The following NR3C2 variants were observed in gnomAD, a reference collection of about 807,000 sequenced individuals.
NR3C2 encodes mineralocorticoid receptor.
In NR3C2, 15 loss-of-function variants were observed where a neutral mutation model predicts 86.4. The ratio of observed to expected loss-of-function variants is 0.17; its 90% CI spans 0.12 to 0.27. NR3C2 has a LOEUF of 0.27. NR3C2 is among the 10% of genes least tolerant of loss of function. The pLI, the probability that NR3C2 is intolerant of heterozygous loss-of-function variation, is 1.00. For synonymous variants in NR3C2, 458 were observed against 450.5 expected, an observed-to-expected ratio of 1.02 and a Z score of -0.21; for missense variants, 960 against 1,195.6, an observed-to-expected ratio of 0.80 and a Z score of 2.91.
chr4:148,189,577 T>C (rs1328346365), intron 4 of NR3C2, among the ~76,000 whole-genome samples: 2 of 152,182 alleles, frequency 1.3e-5, no homozygotes, highest in African/African-American at 4.8e-5. Context: ...CTCTGTCTTG[T>C]GGAATAGTGT....
At chr4:148,298,889 A>T (rs1403419169) in intron 2 of NR3C2, among the ~76,000 whole-genome samples, 1 of 152,196 alleles carries the variant, frequency 6.6e-6, no homozygotes, top group Non-Finnish European at 1.5e-5. Flanking sequence ...ATGCAGGAGG[A>T]AGATAAGGGA....
chr4:148,105,829 C>A (rs1253302494), intron 8 of NR3C2, among the ~76,000 whole-genome samples: 1 of 152,134 alleles, frequency 6.6e-6, no homozygotes, highest in Non-Finnish European at 1.5e-5. Flanking sequence ...ATTCAACATC[C>A]CTTCATGTTA....
At chr4:148,294,675 A>T (rs1240444027) in intron 2 of NR3C2, among the ~76,000 whole-genome samples, 1 of 58,274 alleles carries the variant, frequency 1.7e-5, no homozygotes, top group South Asian at 6.2e-4. Context: ...GTCCTCATTG[A>T]TATAAAAAAA....
At position 148,426,455 on chromosome 4, in the gene NR3C2, T is replaced by C. The variant is rs550904429; in HGVS notation, c.1757+8649A>G. Among the ~76,000 whole-genome samples the C allele has an allele frequency of 9.2e-5, 14 of 152,358 alleles. No homozygotes were observed. The South Asian group carries it at 2.9e-3, about 32-fold the overall frequency. ...GTATGATACTGGAGAAGCCATGCTG[T>C]TTCTCTGGGCATTAGTTTCAGTATC... On this transcript the variant is annotated intron_variant, in intron 2 of 8. Transcript: ENST00000358102.
chr4:148,202,297 C>A (rs536133231), intron 3 of NR3C2, among the ~76,000 whole-genome samples: 1 of 152,324 alleles, frequency 6.6e-6, no homozygotes, highest in East Asian at 1.9e-4. Flanking sequence ...GGAGGAAGCT[C>A]CAAGATGCTA....
intron 2 of NR3C2, among the ~76,000 whole-genome samples, chr4:148,357,879 T>C (rs1208326002): frequency 6.6e-6 from 1 of 152,202 alleles, no homozygotes; most frequent in Non-Finnish European, 1.5e-5. Flanking sequence ...ACATCAGGAA[T>C]AGGAAGTTCT....
chr4:148,262,857 C>T (rs1740194154), intron 2 of NR3C2, among the ~76,000 whole-genome samples: 2 of 152,314 alleles, frequency 1.3e-5, no homozygotes, highest in South Asian at 2.1e-4. Flanking sequence ...CACAACACCC[C>T]TAGCCCTGAA....
chr4:148,420,707 G>A (rs886106849), intron 2 of NR3C2, among the ~76,000 whole-genome samples: 1 of 152,196 alleles, frequency 6.6e-6, no homozygotes, highest in African/African-American at 2.4e-5. Flanking sequence ...AGCCTGGTGG[G>A]AGGGGATTGA....
intron 2 of NR3C2, among the ~76,000 whole-genome samples, chr4:148,352,523 T>C (rs547244644): frequency 9.1e-4 from 139 of 152,184 alleles, no homozygotes; most frequent in African/African-American, 3.2e-3. Context: ...TCTGATGGAA[T>C]TGAAAGACCC....
At chr4:148,152,407 A>G in intron 6 of NR3C2, 62 bp downstream of exon 6, 1 of 1,557,900 alleles carries the variant, frequency 6.4e-7, no homozygotes, top group Non-Finnish European at 8.8e-7. Context: ...GAAATTACTG[A>G]AAGAAATCAT....
At position 148,081,153 on chromosome 4, in the gene NR3C2, G is replaced by T; in HGVS notation, c.*191C>A. The T allele has an allele frequency of 1.4e-6, 1 of 705,892 alleles. No individual in the cohort carries two copies. Among genetic ancestry groups the T allele is most frequent in the Non-Finnish European group, 2.5e-6 (1 of 403,488 alleles). The allele number at this position is 705,892 out of a possible 1,614,324, so 43.7% of individuals were successfully genotyped here. On this transcript the variant is annotated 3_prime_UTR_variant, in exon 9 of 9. Transcript: ENST00000358102. Reference sequence around the variant, plus strand: ...TTGGAGGTGGGGAATCCTTCAGACTGCTCTGGTCTCGCCAAATCCACGGAA... The same window carrying T: ...TTGGAGGTGGGGAATCCTTCAGACTTCTCTGGTCTCGCCAAATCCACGGAA...
chr4:148,180,478 C>T (rs72653846), intron 4 of NR3C2, among the ~76,000 whole-genome samples: 23 of 152,194 alleles, frequency 1.5e-4, no homozygotes, highest in African/African-American at 5.5e-4. Flanking sequence ...CTTACTAACA[C>T]TGTTAGTGTT....
chr4:148,215,892 G>C (rs900598778), intron 3 of NR3C2, among the ~76,000 whole-genome samples: 3 of 148,936 alleles, frequency 2.0e-5, no homozygotes, highest in African/African-American at 7.5e-5. Context: ...CAATTCCCCT[G>C]CCTCAGCCTC....
In NR3C2 at chr4:148,388,043, A is replaced by G. The variant is rs72656896; in HGVS notation, c.1757+47061T>C. On this transcript the variant is annotated intron_variant, in intron 2 of 8. Transcript: ENST00000358102. ...TTTAGAGTCATTCTTGAGCTACCCA[A>G]GAATTCTGAACTGCCACCTCTTCCA... Among the ~76,000 whole-genome samples, 538 of 152,344 alleles carry G rather than the reference A, an allele frequency of 3.5e-3. 14 individuals carry two copies. Among genetic ancestry groups the G allele is most frequent in the Admixed American group, 0.032 (489 of 15,300 alleles).
chr4:148,364,838 T>C (rs1746030007), intron 2 of NR3C2, among the ~76,000 whole-genome samples: 1 of 150,952 alleles, frequency 6.6e-6, no homozygotes, highest in Non-Finnish European at 1.5e-5. Flanking sequence ...TTTGGAATAC[T>C]GGCACAAACA....
chr4:148,255,508 T>C (rs1351371461), intron 3 of NR3C2, among the ~76,000 whole-genome samples: 1 of 152,226 alleles, frequency 6.6e-6, no homozygotes, highest in Non-Finnish European at 1.5e-5. Context: ...TGTGTGAGTG[T>C]GGAAACTGAC....
intron 8 of NR3C2, among the ~76,000 whole-genome samples, chr4:148,084,084 T>C (rs1730702147): frequency 6.6e-6 from 1 of 152,190 alleles, no homozygotes; most frequent in African/African-American, 2.4e-5. Flanking sequence ...TAGAACCAAG[T>C]TGGAAAACAC....
intron 3 of NR3C2, among the ~76,000 whole-genome samples, chr4:148,223,832 G>A (rs1737996314): frequency 6.6e-6 from 1 of 152,154 alleles, no homozygotes; most frequent in Admixed American, 6.5e-5. Context: ...TAACAGTGAT[G>A]TGAAAGTTGG....
intron 2 of NR3C2, among the ~76,000 whole-genome samples, chr4:148,332,550 TTTTA>T (rs1405394628): frequency 6.6e-6 from 1 of 152,212 alleles, no homozygotes; most frequent in African/African-American, 2.4e-5. Flanking sequence ...GCTTTTGCTT[TTTTA>T]TTTGTGTCAA....
Sources: allele counts gnomAD v4.1 joint callset (sites outside exome capture counted in the v4.1 genomes callset), GRCh38; gene constraint gnomAD v4.1.1; transcripts MANE v1.5; gene names NCBI Gene and HGNC (gene_info 2026-07-23, HGNC 2026-07-21).